MDGA2: variants seen among roughly 807,000 people sequenced by gnomAD.
MDGA2 encodes the protein MAM domain-containing glycosylphosphatidylinositol anchor protein 2.
In MDGA2, 40 loss-of-function variants were observed where a neutral mutation model predicts 117.8. That is an observed-to-expected ratio of 0.34 (90% CI 0.26 to 0.44). The LOEUF (loss-of-function observed/expected upper bound fraction) is 0.44, where lower values mean the gene tolerates loss of function less well. MDGA2 is among the 20% of genes least tolerant of loss of function. The pLI is 1.00. For synonymous variants in MDGA2, 452 were observed against 439.0 expected (o/e 1.03, Z -0.37); for missense variants, 1,123 against 1,250.6 (o/e 0.90, Z 1.54).
At chr14:47,518,024 G>T (rs1225970349) in intron 1 of MDGA2, among the ~76,000 whole-genome samples, 2 of 152,104 alleles carry the variant, frequency 1.3e-5, no homozygotes, top group African/African-American at 2.4e-5. Flanking sequence ...CATGGGGGTG[G>T]TTATGTAATA....
intron 5 of MDGA2, among the ~76,000 whole-genome samples, chr14:47,102,710 C>T (rs1255300513): frequency 6.6e-6 from 1 of 152,144 alleles, no homozygotes; most frequent in Non-Finnish European, 1.5e-5. Context: ...AGGAGCCTGG[C>T]TCAGGTGCTT....
intron 6 of MDGA2, among the ~76,000 whole-genome samples, chr14:47,062,070 C>T (rs1204747222): frequency 6.6e-6 from 1 of 151,934 alleles, no homozygotes; most frequent in African/African-American, 2.4e-5. Flanking sequence ...ATATGTTGAT[C>T]AACACTAGTT....
At chr14:47,186,373 A>T (rs1347463375) in intron 3 of MDGA2, among the ~76,000 whole-genome samples, 1 of 151,794 alleles carries the variant, frequency 6.6e-6, no homozygotes, top group African/African-American at 2.4e-5. Context: ...GACAAACTTG[A>T]AAAAAGAGTA....
intron 3 of MDGA2, among the ~76,000 whole-genome samples, chr14:47,194,260 A>C (rs1885210537): frequency 6.6e-6 from 1 of 152,202 alleles, no homozygotes; most frequent in African/African-American, 2.4e-5. Context: ...TTCATCCAGA[A>C]GAATGTGAGT....
chr14:47,290,080 A>AT lies in MDGA2; in HGVS notation c.420+11330dup, dbSNP rs752853105. On this transcript the variant is annotated intron_variant, in intron 2 of 16. Coordinates refer to ENST00000399232, the MANE Select transcript of MDGA2 (RefSeq NM_001113498.3). Reference sequence around the variant, plus strand: ...CTTAGATTTAGTTCAAGTAAAAGACATTTTTTTTAAGAGATGAGAAGAACA... The same window carrying AT: ...CTTAGATTTAGTTCAAGTAAAAGACATTTTTTTTTAAGAGATGAGAAGAACA... Among the ~76,000 whole-genome samples the AT allele has an allele frequency of 3.1e-3, 471 of 151,884 alleles. 2 individuals carry two copies. The highest frequency in any genetic ancestry group is 0.01 in the Middle Eastern group (3 of 294).
intron 15 of MDGA2, 60 bp downstream of exon 15, chr14:46,854,964 A>G: frequency 1.5e-6 from 2 of 1,363,052 alleles, no homozygotes; most frequent in Admixed American, 2.4e-5. Context: ...TTTGCTCAAG[A>G]TCCACCTTTA....
At chr14:47,315,702 C>A (rs72683844) in intron 1 of MDGA2, among the ~76,000 whole-genome samples, 1 of 151,952 alleles carries the variant, frequency 6.6e-6, no homozygotes, top group African/African-American at 2.4e-5. Context: ...TTTAGGTCAC[C>A]GTCTCTGTCA....
chr14:47,510,554 A>G (rs886192921), intron 1 of MDGA2, among the ~76,000 whole-genome samples: 2 of 152,208 alleles, frequency 1.3e-5, no homozygotes, highest in Admixed American at 6.5e-5. Flanking sequence ...ATGTCTTAAA[A>G]AAAATCTGAG....
At chr14:47,449,245 T>C (rs922385892) in intron 1 of MDGA2, among the ~76,000 whole-genome samples, 3 of 152,172 alleles carry the variant, frequency 2.0e-5, no homozygotes, top group African/African-American at 7.2e-5. Context: ...AAGAGTATAC[T>C]TTCATTTAAA....
At chr14:47,503,686 G>A (rs1270591230) in intron 1 of MDGA2, among the ~76,000 whole-genome samples, 1 of 152,074 alleles carries the variant, frequency 6.6e-6, no homozygotes, top group Admixed American at 6.5e-5. Context: ...TTACAGGCGT[G>A]AGCCACTGCG....
intron 1 of MDGA2, among the ~76,000 whole-genome samples, chr14:47,662,227 G>A (rs1450460670): frequency 2.0e-5 from 3 of 152,094 alleles, no homozygotes; most frequent in African/African-American, 7.2e-5. Flanking sequence ...CCTAAATAAA[G>A]TTTAGCTACT....
chr14:47,047,799 T>C (rs1196455692), intron 7 of MDGA2, among the ~76,000 whole-genome samples: 4 of 151,752 alleles, frequency 2.6e-5, no homozygotes, highest in Non-Finnish European at 5.9e-5. Context: ...CAAACAAAGG[T>C]TTATATAATT....
chr14:47,169,767 T>C (rs1884042576), intron 3 of MDGA2, among the ~76,000 whole-genome samples: 1 of 152,122 alleles, frequency 6.6e-6, no homozygotes, highest in Non-Finnish European at 1.5e-5. Flanking sequence ...AACTTTTCTG[T>C]AGTTTATTAA....
intron 14 of MDGA2, among the ~76,000 whole-genome samples, chr14:46,859,194 C>T (rs1437513499): frequency 6.6e-6 from 1 of 151,866 alleles, no homozygotes; most frequent in East Asian, 1.9e-4. Context: ...ATTGTGCTGC[C>T]AGGGGTTTTA....
intron 6 of MDGA2, among the ~76,000 whole-genome samples, chr14:47,091,360 A>G (rs1879646233): frequency 6.6e-6 from 1 of 152,154 alleles, no homozygotes; most frequent in Admixed American, 6.6e-5. Flanking sequence ...TAGTCCTATT[A>G]AAAAGCAGAC....
intron 8 of MDGA2, among the ~76,000 whole-genome samples, chr14:47,029,723 T>G (rs1888594182): frequency 6.6e-6 from 1 of 152,184 alleles, no homozygotes. Flanking sequence ...AAATTAAAAT[T>G]GTAGCATATA....
intron 2 of MDGA2, among the ~76,000 whole-genome samples, chr14:47,226,259 A>AAATAAATAAATAAATAAATG: frequency 6.7e-6 from 1 of 149,218 alleles, no homozygotes; most frequent in African/African-American, 2.4e-5. Flanking sequence ...ATAAATAAAT[A>AAATAAATAAATAAATAAATG]AATGGGAGGA....
chr14:47,460,691 T>C (rs1041879892), intron 1 of MDGA2, among the ~76,000 whole-genome samples: 3 of 152,144 alleles, frequency 2.0e-5, no homozygotes, highest in Non-Finnish European at 4.4e-5. Context: ...GGATATTACA[T>C]AATGGCATGC....
intron 1 of MDGA2, among the ~76,000 whole-genome samples, chr14:47,636,025 G>A (rs1252059152): frequency 2.0e-5 from 3 of 152,138 alleles, no homozygotes; most frequent in Admixed American, 6.5e-5. Flanking sequence ...TAAAATGCTC[G>A]AGCAACTAAG....
Sources: allele counts gnomAD v4.1 joint callset (sites outside exome capture counted in the v4.1 genomes callset), GRCh38; gene constraint gnomAD v4.1.1; transcripts MANE v1.5; gene names NCBI Gene and HGNC (gene_info 2026-07-23, HGNC 2026-07-21).